The following DNM3 variants were observed in gnomAD, a reference collection of about 807,000 sequenced individuals.
DNM3 encodes the protein dynamin-3.
A neutral mutation model predicts 101.6 loss-of-function variants in DNM3; 47 were observed. That is an observed-to-expected ratio of 0.46 (90% confidence interval 0.37 to 0.59). DNM3 has a LOEUF of 0.59. Ranked by LOEUF, DNM3 falls within the 20% of genes least tolerant of loss-of-function variation. DNM3 has a pLI of 0.00. For synonymous variants in DNM3, 385 were observed against 387.9 expected (o/e 0.99, Z 0.09); for missense variants, 849 against 1,085.7 (o/e 0.78, Z 3.06).
At chr1:172,074,236 G>C (rs532558485) in intron 11 of DNM3, among the ~76,000 whole-genome samples, 96 of 152,260 alleles carry the variant, frequency 6.3e-4, no homozygotes, top group African/African-American at 2.2e-3. Flanking sequence ...AGAGTAACCA[G>C]AGTGCTAGTT....
intron 13 of DNM3, among the ~76,000 whole-genome samples, chr1:172,110,468 G>A (rs1043257357): frequency 5.5e-4 from 83 of 152,148 alleles, no homozygotes; most frequent in African/African-American, 1.5e-3. Context: ...CATAGAATCC[G>A]CTTATAAATA....
chr1:172,150,698 C>A (rs571970486), intron 14 of DNM3, among the ~76,000 whole-genome samples: 1 of 152,272 alleles, frequency 6.6e-6, no homozygotes, highest in South Asian at 2.1e-4. Flanking sequence ...TGAATCCTGG[C>A]TTCACAGCTT....
chr1:171,996,931 C>T (rs182019448), intron 4 of DNM3, among the ~76,000 whole-genome samples: 1 of 151,926 alleles, frequency 6.6e-6, no homozygotes, highest in Admixed American at 6.6e-5. Flanking sequence ...ACTTGGGAGA[C>T]TAAAGTGGGA....
intron 8 of DNM3, among the ~76,000 whole-genome samples, chr1:172,042,511 A>G (rs1161738888): frequency 6.6e-6 from 1 of 152,192 alleles, no homozygotes. Context: ...TAGACAAAAT[A>G]CGAAAGTTTC....
chr1:172,081,824 A>T lies in DNM3; in HGVS notation c.1423-8A>T. On this transcript the variant is annotated splice_region_variant and splice_polypyrimidine_tract_variant and intron_variant, in intron 11 of 20. Transcript: ENST00000627582. Reference sequence around the variant, plus strand: ...GTTTTCACTGAAGTGTTTCTCTTTGACTTATAGGTATTGCTATTGATTGAC... The same window carrying T: ...GTTTTCACTGAAGTGTTTCTCTTTGTCTTATAGGTATTGCTATTGATTGAC... 1 of 1,610,042 alleles carries T rather than the reference A, an allele frequency of 6.2e-7. No individual in the cohort carries two copies. Among genetic ancestry groups the T allele is most frequent in the Non-Finnish European group, 8.5e-7 (1 of 1,177,916 alleles).
intron 9 of DNM3, among the ~76,000 whole-genome samples, 171 bp downstream of exon 9, chr1:172,044,623 T>C (rs1393345264): frequency 1.3e-5 from 2 of 152,196 alleles, no homozygotes; most frequent in Non-Finnish European, 2.9e-5. Context: ...CCTGTATTGC[T>C]GTAGTCAGTT....
At chr1:172,341,075 GT>G (rs753839934) in intron 17 of DNM3, among the ~76,000 whole-genome samples, 28 of 152,156 alleles carry the variant, frequency 1.8e-4, no homozygotes, top group South Asian at 4.2e-4. Flanking sequence ...ACAAAAATCA[GT>G]ATTCCCACAC....
intron 1 of DNM3, among the ~76,000 whole-genome samples, chr1:171,843,414 A>G (rs899501498): frequency 1.3e-5 from 2 of 152,240 alleles, no homozygotes; most frequent in Non-Finnish European, 2.9e-5. Context: ...TTTACGAGAT[A>G]TAAAGTGGCA....
intron 17 of DNM3, among the ~76,000 whole-genome samples, chr1:172,349,047 C>T (rs1021948527): frequency 6.6e-6 from 1 of 152,142 alleles, no homozygotes; most frequent in Non-Finnish European, 1.5e-5. Flanking sequence ...GAGACCACCA[C>T]CCCCAGTGTC....
intron 2 of DNM3, among the ~76,000 whole-genome samples, chr1:171,938,726 T>C (rs890902619): frequency 1.3e-5 from 2 of 152,200 alleles, no homozygotes; most frequent in Non-Finnish European, 2.9e-5. Context: ...CATACATATA[T>C]TAAGGTCGGA....
rs116364713 is a variant in DNM3 at position 171,943,297 on chromosome 1, C to A, written c.235+21476C>A. Among the ~76,000 whole-genome samples the A allele has an allele frequency of 6.5e-3, 982 of 152,194 alleles. 15 individuals carry two copies. Among genetic ancestry groups the A allele is most frequent in the African/African-American group, 0.021 (889 of 41,518 alleles). ...CCACCAACCATTTGAATAGACCCCT[C>A]TTCTTGGCCAAGGGCATTCCAAAGT... On this transcript the variant is annotated intron_variant, in intron 2 of 20. Transcript: ENST00000627582.
intron 1 of DNM3, among the ~76,000 whole-genome samples, chr1:171,867,792 C>A (rs1480150889): frequency 6.6e-6 from 1 of 152,080 alleles, no homozygotes; most frequent in African/African-American, 2.4e-5. Context: ...TACCGTTGGT[C>A]ATATATCACA....
intron 18 of DNM3, among the ~76,000 whole-genome samples, chr1:172,381,605 GCC>G (rs1491074474): frequency 4.3e-4 from 66 of 151,956 alleles, no homozygotes; most frequent in Admixed American, 2.2e-3. Context: ...GAATGCCCAA[GCC>G]TATTTTGTTC....
intron 17 of DNM3, among the ~76,000 whole-genome samples, chr1:172,349,546 T>A (rs2067104908): frequency 1.3e-5 from 2 of 151,872 alleles, no homozygotes; most frequent in African/African-American, 4.9e-5. Context: ...TTGGACCTAG[T>A]TATTATTAAT....
Position 172,408,193 on chromosome 1 carries a change from C to T in DNM3, c.*352C>T, listed in dbSNP as rs2149130959. 9.4e-7 allele frequency: 1 copy of T among 1,067,718 alleles called. No individual in the cohort carries two copies. The highest frequency in any genetic ancestry group is 1.6e-5 in the African/African-American group (1 of 61,042). 66.1% of individuals were successfully genotyped at this position (1,067,718 alleles called of 1,614,324 possible). The stretch of plus-strand genomic sequence containing the variant: ...AGGTAGCTCATTAAACGTAATTCTT[C>T]AGATATGAGATAGTGGGCTTAGACC... On this transcript the variant is annotated 3_prime_UTR_variant, in exon 21 of 21. Coordinates refer to ENST00000627582, the MANE Select transcript of DNM3 (RefSeq NM_015569.5).
chr1:172,003,522 T>A (rs1215625830), intron 4 of DNM3, among the ~76,000 whole-genome samples: 1 of 151,978 alleles, frequency 6.6e-6, no homozygotes, highest in Non-Finnish European at 1.5e-5. Flanking sequence ...AGTTTTAGGA[T>A]CTTCCCCTCC....
At chr1:172,149,145 G>T (rs1020054690) in intron 14 of DNM3, among the ~76,000 whole-genome samples, 1 of 152,108 alleles carries the variant, frequency 6.6e-6, no homozygotes, top group Non-Finnish European at 1.5e-5. Context: ...ATTTACGGAC[G>T]CATGTTTTGT....
rs80036657 is a variant in DNM3 at position 171,845,897 on chromosome 1, C to T, written c.161+4080C>T. On this transcript the variant is annotated intron_variant, in intron 1 of 20. Coordinates refer to ENST00000627582, the MANE Select transcript of DNM3 (RefSeq NM_015569.5). ...TGCTAATTATATAGGCAGAAGAGTC[C>T]ACATTATTTTATTCTAGTCTGAGTG... 4.6e-3 allele frequency among the ~76,000 whole-genome samples: 693 copies of T among 152,190 alleles called. 29 individuals carry two copies. In the East Asian group the frequency reaches 0.084, roughly 19 times the overall value.
At chr1:172,361,951 T>A (rs1257847186) in intron 17 of DNM3, among the ~76,000 whole-genome samples, 4 of 151,992 alleles carry the variant, frequency 2.6e-5, no homozygotes, top group Non-Finnish European at 5.9e-5. Flanking sequence ...CTCACCTCTT[T>A]GTTGACTAGC....
Sources: allele counts gnomAD v4.1 joint callset (sites outside exome capture counted in the v4.1 genomes callset), GRCh38; gene constraint gnomAD v4.1.1; transcripts MANE v1.5; gene names NCBI Gene and HGNC (gene_info 2026-07-23, HGNC 2026-07-21).